CEACAM16: variants seen among roughly 807,000 people sequenced by gnomAD.
CEACAM16 encodes the protein CEA cell adhesion molecule 16, tectorial membrane component.
In CEACAM16, 30 loss-of-function variants were observed where a neutral mutation model predicts 39.4. The observed-to-expected ratio is 0.76, with a 90% CI of 0.57 to 1.03. CEACAM16 has a LOEUF of 1.03. Ranked by LOEUF, CEACAM16 falls within the 50% of genes least tolerant of loss-of-function variation. The pLI, the probability that CEACAM16 is intolerant of heterozygous loss-of-function variation, is 0.00. For missense variants in CEACAM16, 521 were observed against 585.3 expected (o/e 0.89, Z 1.13); for synonymous variants, 262 against 264.9 (o/e 0.99, Z 0.11).
intron 1 of CEACAM16, among the ~76,000 whole-genome samples, chr19:44,699,692 C>G (rs541364494): frequency 6.6e-6 from 1 of 151,972 alleles, no homozygotes; most frequent in Non-Finnish European, 1.5e-5. Flanking sequence ...CCACCACGCC[C>G]GGCCAGAGCC....
At chr19:44,699,708 T>C (rs1167516139) in intron 1 of CEACAM16, among the ~76,000 whole-genome samples, 2 of 152,198 alleles carry the variant, frequency 1.3e-5, no homozygotes, top group Admixed American at 1.3e-4. Flanking sequence ...GAGCCTATAC[T>C]TTTAATAACA....
chr19:44,706,227 A>G (rs1461424905), intron 5 of CEACAM16, among the ~76,000 whole-genome samples: 1 of 147,846 alleles, frequency 6.8e-6, no homozygotes, highest in Non-Finnish European at 1.5e-5. Flanking sequence ...AATTCTGTGC[A>G]GCCAACTAGA....
rs1401161352 is a variant in CEACAM16, at chr19:44,703,514, A to G, written c.203A>G (p.Tyr68Cys). Residue 68 changes from tyrosine to cysteine, a missense_variant, in exon 3 of 7, where the codon TAC (tyrosine) becomes TGC (cysteine). Tyr to Cys is a radical substitution (Grantham distance 194). Coordinates refer to ENST00000587331, the MANE Select transcript of CEACAM16 (RefSeq NM_001039213.4). ...TLSVSYLVAS[Y>C]IVSTGDETPG... is the part of the protein sequence containing the mutation. ...AGCGTGTCATACCTGGTGGCCAGCT[A>G]CATCGTGAGCACAGGCGATGAGACT... 5 of 1,613,684 alleles carry G rather than the reference A, an allele frequency of 3.1e-6. No individual in the cohort carries two copies. Among genetic ancestry groups the G allele is most frequent in the African/African-American group, 1.3e-5 (1 of 75,052 alleles).
At chr19:44,704,428 C>CAA in intron 4 of CEACAM16, 132 bp downstream of exon 4, 1 of 1,195,882 alleles carries the variant, frequency 8.4e-7, no homozygotes, top group Non-Finnish European at 1.1e-6. Context: ...CCAGGGACCC[C>CAA]TCTTAAAGTG....
At chr19:44,707,284 G>A (rs763788945) in intron 5 of CEACAM16, among the ~76,000 whole-genome samples, 32 of 152,072 alleles carry the variant, frequency 2.1e-4, no homozygotes, top group Non-Finnish European at 3.8e-4. Flanking sequence ...AACTTCCAGG[G>A]TCCCCAACTT....
intron 3 of CEACAM16, 119 bp from the exon 4 acceptor site, chr19:44,703,899 C>A (rs1165944940): frequency 8.0e-7 from 1 of 1,249,872 alleles, no homozygotes; most frequent in Non-Finnish European, 1.1e-6. Context: ...TTCTTTGTCC[C>A]TCCGGCTGAG....
At chr19:44,703,770 A>T in intron 3 of CEACAM16, 77 bp downstream of exon 3, 1 of 1,230,202 alleles carries the variant, frequency 8.1e-7, no homozygotes, top group Non-Finnish European at 1.1e-6. Flanking sequence ...TTTTTTTAAA[A>T]AAAAAAAAAA....
chr19:44,701,555 AC>A lies in CEACAM16; in HGVS notation c.37+67del, dbSNP rs1451002445. ...CCGAGGACCCCAGGGAGGGGAGGGG[AC>A]CCCCAGTCTGAGAGAGGGAAGGTGT... is the stretch of plus-strand genomic sequence containing the variant. On this transcript the variant is annotated intron_variant, in intron 2 of 6. Coordinates refer to ENST00000587331, the MANE Select transcript of CEACAM16 (RefSeq NM_001039213.4). This position sits in a 1 kb window ranked among gnomAD's most constrained non-coding sequence, Gnocchi z 4.0. 3 of 1,483,788 alleles carry A rather than the reference AC, an allele frequency of 2.0e-6. No individual in the cohort carries two copies. Among genetic ancestry groups the A allele is most frequent in the East Asian group, 2.5e-5 (1 of 40,672 alleles). The allele number at this position is 1,483,788 out of a possible 1,614,324, so 91.9% of individuals were successfully genotyped here. A position where few individuals can be genotyped will look rare whatever the true frequency, so the allele number is the denominator to read the frequency against.
In CEACAM16 at chr19:44,710,601, T is replaced by C; in HGVS notation, c.*95T>C. On this transcript the variant is annotated 3_prime_UTR_variant, in exon 7 of 7. Transcript: ENST00000587331. The stretch of plus-strand genomic sequence containing the variant: ...GGGAACCACTCCCCCACAGCGAGGA[T>C]GCCAGGCTGTGGTCCTGCTGTTCTC... 1 of 1,533,236 alleles carries C rather than the reference T, an allele frequency of 6.5e-7. No homozygotes were observed. The highest frequency in any genetic ancestry group is 9.0e-7 in the Non-Finnish European group (1 of 1,107,690). 95.0% of individuals were successfully genotyped at this position (1,533,236 alleles called of 1,614,324 possible).
At chr19:44,705,244 C>T (rs563537530) in intron 4 of CEACAM16, among the ~76,000 whole-genome samples, 282 of 152,032 alleles carry the variant, frequency 1.9e-3, no homozygotes, top group Middle Eastern at 3.4e-3. Context: ...CCTAGAAGCA[C>T]CAATTCTTGA....
At chr19:44,702,058 C>T (rs2965165) in intron 2 of CEACAM16, among the ~76,000 whole-genome samples, 1,793 of 152,128 alleles carry the variant, frequency 0.012, 29 homozygotes, top group African/African-American at 0.041. Flanking sequence ...TTTGGGAGGC[C>T]GAGGCGGGCG....
rs1446036381 is a variant in CEACAM16 at position 44,705,911 on chromosome 19, G to T, written c.940+43G>T. ...TGACCACCCCCCAGTCCCCATGGAG[G>T]CCTCATCAGGCTGCGAAGGTTAAGC... is the stretch of plus-strand genomic sequence containing the variant. On this transcript the variant is annotated intron_variant, in intron 5 of 6. Transcript: ENST00000587331. 6 of 1,577,082 alleles carry T rather than the reference G, an allele frequency of 3.8e-6. No homozygotes were observed. In the African/African-American group the frequency reaches 5.4e-5, roughly 14 times the overall value.
In CEACAM16 at chr19:44,705,830, T is replaced by G. The variant is rs1401292744; in HGVS notation, c.902T>G (p.Leu301Arg). The part of the protein sequence containing the change: ...YTCIAKNTKT[L>R]LSGSASVVVK... Reference sequence around the variant, plus strand: ...TGTATTGCGAAGAACACCAAGACCCTGCTATCTGGATCTGCCTCAGTCGTG... The same window carrying G: ...TGTATTGCGAAGAACACCAAGACCCGGCTATCTGGATCTGCCTCAGTCGTG... Residue 301 changes from leucine (L) to arginine (R), a missense_variant, in exon 5 of 7, where the codon CTG becomes CGG. Transcript: ENST00000587331. 6.2e-7 allele frequency: 1 copy of G among 1,613,798 alleles called. No homozygotes were observed.
intron 2 of CEACAM16, among the ~76,000 whole-genome samples, chr19:44,702,561 A>T (rs1974364472): frequency 6.6e-6 from 1 of 152,262 alleles, no homozygotes; most frequent in African/African-American, 2.4e-5. Flanking sequence ...ACCACACGTC[A>T]TTCAAACCCA....
rs762263810 is a variant in CEACAM16 at position 44,704,072 on chromosome 19, G to T, written c.437G>T (p.Arg146Leu). Residue 146 changes from arginine to leucine, a missense_variant, in exon 4 of 7, where the codon CGA becomes CTA. Coordinates refer to ENST00000587331, the MANE Select transcript of CEACAM16 (RefSeq NM_001039213.4). ...AACAGCACAGCGCTGGTGGAACGTC[G>T]AGACACCCTGCGCCTTATGTGCAGC... is the stretch of plus-strand genomic sequence containing the variant. ...LANSTALVER[R>L]DTLRLMCSSP... is the part of the protein sequence containing the mutation. The T allele has an allele frequency of 6.2e-7, 1 of 1,610,326 alleles. No individual in the cohort carries two copies. The highest frequency in any genetic ancestry group is 1.3e-5 in the African/African-American group (1 of 74,904).
chr19:44,706,273 C>T (rs1429267728), intron 5 of CEACAM16, among the ~76,000 whole-genome samples: 1 of 71,166 alleles, frequency 1.4e-5, no homozygotes, highest in Admixed American at 1.2e-4. Flanking sequence ...TGGGTATACA[C>T]ACACACACAC....
intron 1 of CEACAM16, among the ~76,000 whole-genome samples, chr19:44,700,290 C>T (rs918716802): frequency 1.3e-5 from 2 of 152,172 alleles, no homozygotes; most frequent in Non-Finnish European, 2.9e-5. Context: ...CAGGCGTTAG[C>T]CACCACACCC....
At chr19:44,700,375 T>C (rs1974325772) in intron 1 of CEACAM16, among the ~76,000 whole-genome samples, 1 of 152,128 alleles carries the variant, frequency 6.6e-6, no homozygotes, top group African/African-American at 2.4e-5. Flanking sequence ...TCACCTCAGG[T>C]GATCTGCCCA....
intron 4 of CEACAM16, 72 bp downstream of exon 4, chr19:44,704,368 AG>A (rs1974407037): frequency 2.8e-6 from 4 of 1,420,544 alleles, no homozygotes. Context: ...AGGCCAGGAG[AG>A]GGGGCCTAAG....
Sources: allele counts gnomAD v4.1 joint callset (sites outside exome capture counted in the v4.1 genomes callset), GRCh38; gene constraint gnomAD v4.1.1; non-coding constraint Gnocchi (gnomAD v3.1); transcripts MANE v1.5; gene names NCBI Gene and HGNC (gene_info 2026-07-23, HGNC 2026-07-21).